The following JDP2 variants were observed in gnomAD, a reference collection of about 807,000 sequenced individuals.
JDP2 encodes the protein Jun dimerization protein 2, also known as progesterone receptor co-activator.
A neutral mutation model predicts 17.1 loss-of-function variants in JDP2; 9 were observed. The observed-to-expected ratio is 0.53, with a 90% CI of 0.32 to 0.92. The LOEUF (loss-of-function observed/expected upper bound fraction) is 0.92, where lower values mean the gene tolerates loss of function less well. JDP2 is among the 40% of genes least tolerant of loss of function. JDP2 has a pLI of 0.04. For synonymous variants in JDP2, 107 were observed against 95.6 expected, an observed-to-expected ratio of 1.12 and a Z score of -0.69; for missense variants, 179 against 220.0, an observed-to-expected ratio of 0.81 and a Z score of 1.18.
At chr14:75,463,674 G>A (rs1225414699) in intron 3 of JDP2, among the ~76,000 whole-genome samples, 1 of 152,160 alleles carries the variant, frequency 6.6e-6, no homozygotes, top group African/African-American at 2.4e-5. Context: ...AAAGGCAAAA[G>A]GTGCTGTTTA....
At chr14:75,466,621 A>G (rs1379539488) in intron 3 of JDP2, among the ~76,000 whole-genome samples, 1 of 152,212 alleles carries the variant, frequency 6.6e-6, no homozygotes, top group African/African-American at 2.4e-5. Flanking sequence ...ACGCTCCCAC[A>G]TAGAGTTGGT....
Position 75,428,558 on chromosome 14 carries a change from C to G in JDP2, c.-24+306C>G, listed in dbSNP as rs1172961779. 6.6e-6 allele frequency: 1 copy of G among 152,246 alleles called. No individual in the cohort carries two copies. Among genetic ancestry groups the G allele is most frequent in the Non-Finnish European group, 1.5e-5 (1 of 68,086 alleles). The allele number at this position is 152,246 out of a possible 1,614,324, so 9.4% of individuals were successfully genotyped here. On this transcript the variant is annotated intron_variant, in intron 1 of 3. Coordinates refer to ENST00000651602, the MANE Select transcript of JDP2 (RefSeq NM_001135048.2). The surrounding 1 kb of genome is among the most constrained non-coding windows in gnomAD (Gnocchi z 5.6). ...CCTTCTCCCTCCCGCGCTCTCCTCC[C>G]CCGTCCGTTTGCAGGGAGGTGCTCT...
chr14:75,442,739 C>T lies in JDP2; in HGVS notation c.201+4618C>T, dbSNP rs115118334. ...TTCTTAAAAAGTATAAATTTCTAGA[C>T]CTCACCCAAGGTCCATGGAATCAGA... On this transcript the variant is annotated intron_variant, in intron 2 of 3. Coordinates refer to ENST00000651602, the MANE Select transcript of JDP2 (RefSeq NM_001135048.2). Among the ~76,000 whole-genome samples the T allele has an allele frequency of 3.2e-3, 485 of 152,264 alleles. 2 individuals are homozygous for T. The highest frequency in any genetic ancestry group is 0.011 in the African/African-American group (475 of 41,538).
intron 2 of JDP2, among the ~76,000 whole-genome samples, chr14:75,450,918 G>A (rs1885826091): frequency 6.6e-6 from 1 of 152,216 alleles, no homozygotes; most frequent in Non-Finnish European, 1.5e-5. Flanking sequence ...AGCCTACAGG[G>A]TGTGAAAATC....
chr14:75,445,492 C>T (rs1414258985), intron 2 of JDP2: 3 of 985,296 alleles, frequency 3.0e-6, no homozygotes, highest in Non-Finnish European at 3.6e-6. Flanking sequence ...CTCCCCAGTC[C>T]CCGCGAATAA....
At chr14:75,453,465 C>T (rs1439398418) in intron 2 of JDP2, among the ~76,000 whole-genome samples, 6 of 152,210 alleles carry the variant, frequency 3.9e-5, no homozygotes, top group East Asian at 3.8e-4. Flanking sequence ...CTTTCTGTGC[C>T]GCATTCTGCC....
intron 3 of JDP2, among the ~76,000 whole-genome samples, chr14:75,467,464 G>A (rs1022147966): frequency 4.6e-5 from 7 of 152,190 alleles, no homozygotes; most frequent in African/African-American, 1.7e-4. Flanking sequence ...GGGGCTCATG[G>A]CTCTTGGATT....
intron 2 of JDP2, among the ~76,000 whole-genome samples, chr14:75,443,407 T>C (rs1274912799): frequency 6.6e-6 from 1 of 152,238 alleles, no homozygotes; most frequent in African/African-American, 2.4e-5. Context: ...ATTGGCCTTC[T>C]TCCCCCTGAC....
chr14:75,443,297 A>C (rs547886752), intron 2 of JDP2, among the ~76,000 whole-genome samples: 39 of 152,268 alleles, frequency 2.6e-4, no homozygotes, highest in African/African-American at 9.1e-4. Flanking sequence ...TGGCCTAAGC[A>C]TGCTTGTGTT....
chr14:75,434,474 T>C (rs1884970467), intron 1 of JDP2, among the ~76,000 whole-genome samples: 1 of 152,148 alleles, frequency 6.6e-6, no homozygotes, highest in African/African-American at 2.4e-5. Flanking sequence ...AAGGAAAGAC[T>C]AGTGCCTTGT....
intron 3 of JDP2, among the ~76,000 whole-genome samples, chr14:75,463,544 C>G (rs1317545124): frequency 1.3e-5 from 2 of 152,138 alleles, no homozygotes; most frequent in Admixed American, 1.3e-4. Context: ...TGAGAACACA[C>G]AGCAGGGGCC....
intron 1 of JDP2, among the ~76,000 whole-genome samples, chr14:75,429,507 A>C (rs1884692332): frequency 6.6e-6 from 1 of 152,122 alleles, no homozygotes; most frequent in Non-Finnish European, 1.5e-5. Context: ...TAGAAACTGC[A>C]TTCGCGTATC....
rs1403133710 is a variant in JDP2, at chr14:75,472,847, C to G, written c.*3372C>G. 6.6e-6 allele frequency: 1 copy of G among 152,246 alleles called. No individual in the cohort carries two copies. Among genetic ancestry groups the G allele is most frequent in the African/African-American group, 2.4e-5 (1 of 41,422 alleles). 9.4% of individuals were successfully genotyped at this position (152,246 alleles called of 1,614,324 possible). A position where few individuals can be genotyped will look rare whatever the true frequency, so the allele number is the denominator to read the frequency against. On this transcript the variant is annotated 3_prime_UTR_variant, in exon 4 of 4. Coordinates refer to ENST00000651602, the MANE Select transcript of JDP2 (RefSeq NM_001135048.2). ...CTATGGTGTGATGAATGCCTGGGAT[C>G]GCAGACTCCTGGATCTGTTCAGCTC...
In JDP2 at chr14:75,443,661, A is replaced by G. The variant is rs144923090; in HGVS notation, c.201+5540A>G. Among the ~76,000 whole-genome samples the G allele has an allele frequency of 7.2e-4, 109 of 152,294 alleles. 1 individual carries two copies. The highest frequency in any genetic ancestry group is 2.4e-3 in the African/African-American group (101 of 41,576). On this transcript the variant is annotated intron_variant, in intron 2 of 3. Transcript: ENST00000651602. ...CCCCTGTGGTGTTGAGTCTTATTTGATACCATATCCAGAGCATTCACAAGG... is the reference window on the plus strand; with the variant it reads ...CCCCTGTGGTGTTGAGTCTTATTTGGTACCATATCCAGAGCATTCACAAGG...
intron 1 of JDP2, chr14:75,432,093 A>ACC (rs35156595): frequency 7.0e-6 from 4 of 575,302 alleles, no homozygotes; most frequent in Non-Finnish European, 9.3e-6. Context: ...GCCACTCTTA[A>ACC]CCCCCCCTTC....
At chr14:75,429,310 G>C (rs1361530566) in intron 1 of JDP2, among the ~76,000 whole-genome samples, 1 of 152,168 alleles carries the variant, frequency 6.6e-6, no homozygotes, top group Non-Finnish European at 1.5e-5. Context: ...GCCCGACCAC[G>C]TGTGCTCAGG....
intron 1 of JDP2, 119 bp from the exon 2 acceptor site, chr14:75,437,779 G>A (rs1484266162): frequency 1.5e-6 from 1 of 664,290 alleles, no homozygotes; most frequent in African/African-American, 1.8e-5. Flanking sequence ...AGCTGGGTGG[G>A]AAAGGGATTC....
chr14:75,431,405 A>G (rs1884791362), intron 1 of JDP2, among the ~76,000 whole-genome samples: 1 of 152,198 alleles, frequency 6.6e-6, no homozygotes, highest in African/African-American at 2.4e-5. Flanking sequence ...GCCAGTGTTC[A>G]GTGGCTTCTC....
At chr14:75,440,231 C>T (rs995341477) in intron 2 of JDP2, among the ~76,000 whole-genome samples, 1 of 152,208 alleles carries the variant, frequency 6.6e-6, no homozygotes, top group Non-Finnish European at 1.5e-5. Context: ...CGCTGTCAGA[C>T]TGCAGTGTTG....
Sources: gnomAD v4.1 joint callset for allele counts (sites outside exome capture counted in the v4.1 genomes callset) on GRCh38, gnomAD v4.1.1 for gene constraint, Gnocchi (gnomAD v3.1) non-coding constraint, MANE v1.5 for transcripts, NCBI Gene and HGNC (gene_info 2026-07-23, HGNC 2026-07-21) for gene names.